GPC6: variants seen among roughly 807,000 people sequenced by gnomAD.
The protein encoded by GPC6 is glypican 6.
In GPC6, 14 loss-of-function variants were observed where a neutral mutation model predicts 55.2. That is an observed-to-expected ratio of 0.25 (90% CI 0.17 to 0.40). GPC6 has a LOEUF of 0.40. Ranked by LOEUF, GPC6 falls within the 10% of genes least tolerant of loss-of-function variation. The pLI, the probability that GPC6 is intolerant of heterozygous loss-of-function variation, is 1.00. For synonymous variants in GPC6, 278 were observed against 259.6 expected (o/e 1.07, Z -0.68); for missense variants, 641 against 708.5 (o/e 0.90, Z 1.08).
intron 4 of GPC6, among the ~76,000 whole-genome samples, chr13:94,258,644 A>G (rs1199745906): frequency 6.6e-6 from 1 of 152,214 alleles, no homozygotes; most frequent in African/African-American, 2.4e-5. Flanking sequence ...GCAAACATCT[A>G]TGGCCTGACT....
At chr13:93,421,726 T>A (rs1472364040) in intron 1 of GPC6, among the ~76,000 whole-genome samples, 5 of 151,674 alleles carry the variant, frequency 3.3e-5, no homozygotes, top group African/African-American at 1.2e-4. Flanking sequence ...AAAAAAAAAA[T>A]GACTAAAATG....
chr13:94,015,813 G>A (rs1882444261), intron 3 of GPC6, among the ~76,000 whole-genome samples: 1 of 152,140 alleles, frequency 6.6e-6, no homozygotes, highest in African/African-American at 2.4e-5. Flanking sequence ...GGCCATAAAT[G>A]TGTGGGTTCA....
intron 6 of GPC6, among the ~76,000 whole-genome samples, chr13:94,325,502 C>T (rs904762058): frequency 5.3e-5 from 8 of 152,146 alleles, no homozygotes; most frequent in African/African-American, 1.2e-4. Context: ...ATTTTATAAG[C>T]GCTTCCTATA....
chr13:93,822,847 A>T (rs886503688), intron 2 of GPC6, among the ~76,000 whole-genome samples: 6 of 145,850 alleles, frequency 4.1e-5, no homozygotes, highest in African/African-American at 1.6e-4. Context: ...TATTATTATT[A>T]TTATTATTTT....
At chr13:93,756,699 A>G (rs1021524484) in intron 2 of GPC6, among the ~76,000 whole-genome samples, 6 of 152,116 alleles carry the variant, frequency 3.9e-5, no homozygotes, top group African/African-American at 1.4e-4. Flanking sequence ...TGTTGGGGGC[A>G]TAAGAGATGA....
intron 3 of GPC6, among the ~76,000 whole-genome samples, chr13:93,980,277 G>A (rs80018961): frequency 0.018 from 2,802 of 152,118 alleles, 100 homozygotes; most frequent in African/African-American, 0.064. Context: ...ATGAATCAAT[G>A]AAAACCACCC....
chr13:94,200,187 G>A (rs767603461), intron 4 of GPC6, among the ~76,000 whole-genome samples: 45 of 151,606 alleles, frequency 3.0e-4, no homozygotes, highest in Non-Finnish European at 6.3e-4. Flanking sequence ...ATGTTTCCAG[G>A]ATCCTTACTT....
At chr13:94,152,115 G>T (rs1887763791) in intron 4 of GPC6, among the ~76,000 whole-genome samples, 1 of 152,214 alleles carries the variant, frequency 6.6e-6, no homozygotes, top group Non-Finnish European at 1.5e-5. Flanking sequence ...TGCAGGTATT[G>T]GCACTCTATG....
intron 6 of GPC6, among the ~76,000 whole-genome samples, chr13:94,342,152 C>G (rs932098794): frequency 2.6e-5 from 4 of 152,192 alleles, no homozygotes. Flanking sequence ...TGAAGAACTA[C>G]TATTTATTTC....
intron 3 of GPC6, among the ~76,000 whole-genome samples, chr13:93,927,082 T>A (rs565059666): frequency 1.3e-5 from 2 of 152,314 alleles, no homozygotes; most frequent in South Asian, 4.1e-4. Flanking sequence ...TTTTATGTGA[T>A]GTGCTGTACG....
chr13:93,328,003 A>G (rs74868401), intron 1 of GPC6, among the ~76,000 whole-genome samples: 3,656 of 152,100 alleles, frequency 0.024, 158 homozygotes, highest in African/African-American at 0.083. Context: ...ACAACTTTAA[A>G]AAAATGGCCA....
At chr13:94,075,715 A>G (rs928342738) in intron 4 of GPC6, among the ~76,000 whole-genome samples, 1 of 152,124 alleles carries the variant, frequency 6.6e-6, no homozygotes, top group Non-Finnish European at 1.5e-5. Context: ...TGCAATCAGT[A>G]TTTGTCCTTC....
Position 94,194,268 on chromosome 13 carries a change from G to A in GPC6, c.878-92081G>A, listed in dbSNP as rs139533126. On this transcript the variant is annotated intron_variant, in intron 4 of 8. Coordinates refer to ENST00000377047, the MANE Select transcript of GPC6 (RefSeq NM_005708.5). ...AATTTCAGATAAACTAGAAGTTTTTGGGGATAGGTATGTGCCATACAATAT... is the reference window on the plus strand; with the variant it reads ...AATTTCAGATAAACTAGAAGTTTTTAGGGATAGGTATGTGCCATACAATAT... Among the ~76,000 whole-genome samples the A allele has an allele frequency of 2.3e-4, 35 of 152,256 alleles. 1 individual carries two copies. The East Asian group carries it at 5.8e-3, about 25-fold the overall frequency.
chr13:93,456,806 A>T (rs1169797904), intron 1 of GPC6, among the ~76,000 whole-genome samples: 2 of 152,104 alleles, frequency 1.3e-5, no homozygotes, highest in Non-Finnish European at 2.9e-5. Flanking sequence ...TCTGGTGTTC[A>T]CTGGCTTCTG....
intron 2 of GPC6, among the ~76,000 whole-genome samples, chr13:93,820,790 G>A (rs576696823): frequency 1.3e-5 from 2 of 151,820 alleles, no homozygotes; most frequent in South Asian, 2.1e-4. Flanking sequence ...ATTTAGGAGT[G>A]TCTCACTTTA....
intron 4 of GPC6, among the ~76,000 whole-genome samples, chr13:94,068,352 G>C (rs1482634303): frequency 6.6e-6 from 1 of 152,090 alleles, no homozygotes; most frequent in South Asian, 2.1e-4. Flanking sequence ...TCTCCCACCA[G>C]GTTCCTCCCA....
chr13:93,417,884 T>C (rs1197819618), intron 1 of GPC6, among the ~76,000 whole-genome samples: 4 of 152,006 alleles, frequency 2.6e-5, no homozygotes, highest in African/African-American at 7.2e-5. Flanking sequence ...CCTTCAGAAA[T>C]CTCTCAGAAG....
intron 1 of GPC6, among the ~76,000 whole-genome samples, chr13:93,427,106 T>C (rs1877160718): frequency 6.7e-6 from 1 of 148,774 alleles, no homozygotes. Context: ...TCTTGTAAAT[T>C]TGTTTGAGTT....
chr13:94,156,614 T>C lies in GPC6; in HGVS notation c.877+128720T>C, dbSNP rs141962477. Among the ~76,000 whole-genome samples, 14 of 152,282 alleles carry C rather than the reference T, an allele frequency of 9.2e-5. 1 individual carries two copies. Among genetic ancestry groups the C allele is most frequent in the Admixed American group, 6.5e-4 (10 of 15,280 alleles). On this transcript the variant is annotated intron_variant, in intron 4 of 8. Coordinates refer to ENST00000377047, the MANE Select transcript of GPC6 (RefSeq NM_005708.5). Reference sequence around the variant, plus strand: ...TTTTCTGTTGCTGCAAAGTCTTCTATGAATACTTTGTGAGGCTGCTCAAAT... The same window carrying C: ...TTTTCTGTTGCTGCAAAGTCTTCTACGAATACTTTGTGAGGCTGCTCAAAT...
Sources: allele counts gnomAD v4.1 joint callset (sites outside exome capture counted in the v4.1 genomes callset), GRCh38; gene constraint gnomAD v4.1.1; transcripts MANE v1.5; gene names NCBI Gene and HGNC (gene_info 2026-07-23, HGNC 2026-07-21).